Variants in DCHS2 observed in about 807,000 individuals in gnomAD.
DCHS2 encodes the protein protocadherin-23.
A neutral mutation model predicts 182.4 loss-of-function variants in DCHS2; 142 were observed. The ratio of observed to expected loss-of-function variants is 0.78; its 90% CI spans 0.68 to 0.89. The LOEUF (loss-of-function observed/expected upper bound fraction) is 0.89, where lower values mean the gene tolerates loss of function less well. Among genes scored for constraint, DCHS2 ranks in the 40% least tolerant of loss-of-function variants. The pLI, the probability that DCHS2 is intolerant of heterozygous loss-of-function variation, is 0.00. For synonymous variants in DCHS2, 1,740 were observed against 1,663.3 expected, an observed-to-expected ratio of 1.05 and a Z score of -1.12; for missense variants, 4,319 against 4,198.6, an observed-to-expected ratio of 1.03 and a Z score of -0.79.
chr4:154,343,695 A>C, intron 3 of DCHS2: 1 of 1,341,542 alleles, frequency 7.5e-7, no homozygotes, highest in East Asian at 2.6e-5. Context: ...GCTTTGGCTT[A>C]AGGGAATGAT....
chr4:154,391,806 G>T (rs78012549), intron 1 of DCHS2, among the ~76,000 whole-genome samples: 5,555 of 152,246 alleles, frequency 0.036, 134 homozygotes, highest in Non-Finnish European at 0.055. Context: ...TGAAGGCGAT[G>T]GGCCACGTGA....
At chr4:154,426,312 G>A (rs1179058890) in intron 1 of DCHS2, among the ~76,000 whole-genome samples, 3 of 152,204 alleles carry the variant, frequency 2.0e-5, no homozygotes, top group Non-Finnish European at 2.9e-5. Context: ...TAAGGCTGTA[G>A]TGAATACCTA....
At chr4:154,357,106 C>A in intron 3 of DCHS2, 3 of 662,024 alleles carry the variant, frequency 4.5e-6, no homozygotes, top group Non-Finnish European at 2.7e-6. Flanking sequence ...CTAACATCAA[C>A]GAACCTTTGG....
Position 154,240,821 on chromosome 4 carries a change from A to G in DCHS2, c.7075T>C (p.Ser2359Pro). ...PSEAVEITED[S>P]LPGVIVTHVS... ...TGAGTCACAATTACACCAGGCAAAG[A>G]ATCTGAAATAGTCATGACCAGTGTC... The change falls in exon 18 of 20, where the codon TCT (serine) becomes CCT (proline). Residue 2359 changes from serine to proline, a missense_variant and splice_region_variant. By Grantham distance (74) the Ser-to-Pro change is moderately conservative. Coordinates refer to ENST00000357232, the MANE Select transcript of DCHS2 (RefSeq NM_001358235.2). 1 of 1,613,326 alleles carries G rather than the reference A, an allele frequency of 6.2e-7. No individual in the cohort carries two copies. The highest frequency in any genetic ancestry group is 8.5e-7 in the Non-Finnish European group (1 of 1,179,696).
chr4:154,266,962 T>G (rs1312836593), intron 14 of DCHS2, among the ~76,000 whole-genome samples: 1 of 152,210 alleles, frequency 6.6e-6, no homozygotes, highest in African/African-American at 2.4e-5. Flanking sequence ...TCATCAAGCA[T>G]GTCGGCAAAC....
chr4:154,372,396 A>G (rs1730684406), intron 2 of DCHS2, among the ~76,000 whole-genome samples: 1 of 152,226 alleles, frequency 6.6e-6, no homozygotes, highest in African/African-American at 2.4e-5. Context: ...GCACAACTTC[A>G]GTAGCCAACT....
At chr4:154,356,349 A>T (rs1027476025) in intron 3 of DCHS2, among the ~76,000 whole-genome samples, 3 of 152,270 alleles carry the variant, frequency 2.0e-5, no homozygotes, top group African/African-American at 7.2e-5. Context: ...TCAAAAACTT[A>T]AAAAAATTAA....
chr4:154,351,655 G>GA (rs954063587), intron 3 of DCHS2, among the ~76,000 whole-genome samples: 3 of 152,144 alleles, frequency 2.0e-5, no homozygotes, highest in African/African-American at 7.2e-5. Flanking sequence ...GCTGGCGGGG[G>GA]AATGGTTTCA....
chr4:154,307,704 G>A (rs866118248), intron 10 of DCHS2, among the ~76,000 whole-genome samples: 5 of 152,138 alleles, frequency 3.3e-5, no homozygotes, highest in Admixed American at 2.6e-4. Context: ...CCAACAGATG[G>A]CTGGGGCTAC....
intron 1 of DCHS2, among the ~76,000 whole-genome samples, chr4:154,409,877 C>T (rs1732550383): frequency 6.6e-6 from 1 of 152,208 alleles, no homozygotes; most frequent in Non-Finnish European, 1.5e-5. Context: ...CTCCTGTAGC[C>T]TAGCCCACTG....
rs570516696 is a variant in DCHS2 at position 154,392,241 on chromosome 4, T to C, written c.2053-14797A>G. ...CACATTTAAGCATCTCCCTCTTTTTTGGGAATGAGTATCATAATTCAGAAT... is the reference window on the plus strand; with the variant it reads ...CACATTTAAGCATCTCCCTCTTTTTCGGGAATGAGTATCATAATTCAGAAT... On this transcript the variant is annotated intron_variant, in intron 1 of 19. Coordinates refer to ENST00000357232, the MANE Select transcript of DCHS2 (RefSeq NM_001358235.2). 2.6e-5 allele frequency among the ~76,000 whole-genome samples: 4 copies of C among 152,306 alleles called. No homozygotes were observed. In the South Asian group the frequency reaches 8.3e-4, roughly 32 times the overall value.
chr4:154,301,804 C>T (rs1477368611), intron 12 of DCHS2, among the ~76,000 whole-genome samples: 1 of 152,144 alleles, frequency 6.6e-6, no homozygotes, highest in Admixed American at 6.5e-5. Context: ...CACCCAGCTG[C>T]TTTGCCTTAT....
At chr4:154,432,321 G>C (rs1301132615) in intron 1 of DCHS2, among the ~76,000 whole-genome samples, 1 of 152,146 alleles carries the variant, frequency 6.6e-6, no homozygotes, top group Non-Finnish European at 1.5e-5. Flanking sequence ...CTACAACTAT[G>C]ATTTGTCAAT....
At chr4:154,417,919 A>G (rs754094905) in intron 1 of DCHS2, among the ~76,000 whole-genome samples, 1 of 152,184 alleles carries the variant, frequency 6.6e-6, no homozygotes, top group Non-Finnish European at 1.5e-5. Flanking sequence ...TTTTTTTCCC[A>G]ATATTTTTTC....
chr4:154,319,656 TAA>T (rs59154846), intron 9 of DCHS2, among the ~76,000 whole-genome samples: 4,451 of 116,782 alleles, frequency 0.038, 65 homozygotes, highest in Middle Eastern at 0.066. Flanking sequence ...TGGCTGTTAC[TAA>T]AAAAAAAAAA....
intron 1 of DCHS2, among the ~76,000 whole-genome samples, chr4:154,395,764 A>T (rs1453428953): frequency 1.3e-5 from 2 of 152,238 alleles, no homozygotes; most frequent in Non-Finnish European, 2.9e-5. Flanking sequence ...AAAGCCCTCA[A>T]ATATCCTTAG....
chr4:154,483,816 C>T (rs557226461), intron 1 of DCHS2, among the ~76,000 whole-genome samples: 6 of 152,114 alleles, frequency 3.9e-5, no homozygotes, highest in Admixed American at 2.6e-4. Flanking sequence ...TCATATGAGT[C>T]GCAAGACCCT....
intron 10 of DCHS2, among the ~76,000 whole-genome samples, chr4:154,305,920 A>G (rs1053933733): frequency 1.3e-5 from 2 of 152,154 alleles, no homozygotes; most frequent in African/African-American, 4.8e-5. Flanking sequence ...AATTTATTGC[A>G]TTTTACACAA....
chr4:154,417,037 G>GGA (rs1732862172), intron 1 of DCHS2, among the ~76,000 whole-genome samples: 1 of 152,134 alleles, frequency 6.6e-6, no homozygotes, highest in Non-Finnish European at 1.5e-5. Flanking sequence ...TATTTTACTA[G>GGA]GAGCTGCAAC....
Sources: gnomAD v4.1 joint callset for allele counts (sites outside exome capture counted in the v4.1 genomes callset) on GRCh38, gnomAD v4.1.1 for gene constraint, MANE v1.5 for transcripts, NCBI Gene and HGNC (gene_info 2026-07-23, HGNC 2026-07-21) for gene names.